The following EXTL2 variants were observed in gnomAD, a reference collection of about 807,000 sequenced individuals.
EXTL2 encodes exostosin like glycosyltransferase 2.
Under a neutral mutation model 30.7 loss-of-function variants are expected in EXTL2, and 23 were observed. The ratio of observed to expected loss-of-function variants is 0.75; its 90% confidence interval spans 0.54 to 1.06. The LOEUF is 1.06. EXTL2 is among the 50% of genes least tolerant of loss of function. The pLI is 0.00. For synonymous variants in EXTL2, 123 were observed against 133.8 expected, an observed-to-expected ratio of 0.92 and a Z score of 0.56; for missense variants, 352 against 396.3, an observed-to-expected ratio of 0.89 and a Z score of 0.95.
chr1:100,888,899 A>G (rs1297116899), intron 1 of EXTL2, 71 bp from the exon 2 acceptor site: 3 of 538,790 alleles, frequency 5.6e-6, no homozygotes, highest in East Asian at 5.5e-5. Context: ...AACAAAACAA[A>G]AAATGGTGCT....
chr1:100,874,032 A>G lies in EXTL2; in HGVS notation c.903T>C (p.Val301=), dbSNP rs1045187527. 3.7e-6 allele frequency: 6 copies of G among 1,612,976 alleles called. No homozygotes were observed. The African/African-American group carries it at 6.7e-5, about 18-fold the overall frequency. The change falls in exon 5 of 5, where the codon GTT becomes GTC. Residue 301 remains valine, a synonymous_variant. Coordinates refer to ENST00000370114, the MANE Select transcript of EXTL2 (RefSeq NM_001033025.3). ...LQRSYCINKL[V]NIYDSMPLRY... The stretch of plus-strand genomic sequence containing the variant: ...TTAAGGGCATGCTATCATAGATATT[A>G]ACAAGCTTATTTATACAATAAGACC...
chr1:100,886,527 T>C (rs1053669811), intron 2 of EXTL2, among the ~76,000 whole-genome samples: 2 of 152,230 alleles, frequency 1.3e-5, no homozygotes, highest in African/African-American at 4.8e-5. Context: ...CTCTTATGCA[T>C]TGCAAAAGCT....
chr1:100,877,594 C>T lies in EXTL2; in HGVS notation c.315G>A (p.Lys105=). The change falls in exon 3 of 5, where the codon AAG becomes AAA. Residue 105 remains lysine (K), a synonymous_variant. Coordinates refer to ENST00000370114, the MANE Select transcript of EXTL2 (RefSeq NM_001033025.3). The surrounding 1 kb of genome is among the most constrained non-coding windows in gnomAD (Gnocchi z 4.1). ...GAGAATTCCATAATTCATCTGGTGC[C>T]TTCTCTCCAATATTGTTCCATACCA... ...VIVVWNNIGE[K]APDELWNSLG... 1 of 1,613,496 alleles carries T rather than the reference C, an allele frequency of 6.2e-7. No individual in the cohort carries two copies. The highest frequency in any genetic ancestry group is 1.1e-5 in the South Asian group (1 of 91,056).
At chr1:100,881,960 A>G (rs1194256025) in intron 2 of EXTL2, among the ~76,000 whole-genome samples, 2 of 152,182 alleles carry the variant, frequency 1.3e-5, no homozygotes, top group Non-Finnish European at 2.9e-5. Context: ...CTCCTGTCAG[A>G]TCAGCTGTGG....
At chr1:100,882,873 G>GC (rs1472204629) in intron 2 of EXTL2, among the ~76,000 whole-genome samples, 3 of 151,964 alleles carry the variant, frequency 2.0e-5, no homozygotes, top group Admixed American at 6.6e-5. Flanking sequence ...AAAAAATACT[G>GC]CCCCAATAAT....
rs369719050 is a variant in EXTL2, at chr1:100,893,501, C to T, written c.-72+1132G>A. Among the ~76,000 whole-genome samples the T allele has an allele frequency of 1.8e-4, 27 of 152,296 alleles. No homozygotes were observed. The East Asian group carries it at 5.2e-3, about 29-fold the overall frequency. On this transcript the variant is annotated intron_variant, in intron 1 of 4. Transcript: ENST00000370114. ...ATAACTACTCTTTTCCATAAAATTC[C>T]TCCAGGGAAGGAACTTTTTATTTAT... is the stretch of plus-strand genomic sequence containing the variant.
chr1:100,887,571 G>C (rs1173516492), intron 2 of EXTL2, among the ~76,000 whole-genome samples: 1 of 152,180 alleles, frequency 6.6e-6, no homozygotes, highest in Non-Finnish European at 1.5e-5. Context: ...GAAATAAAGT[G>C]TATCCATCCC....
intron 3 of EXTL2, 130 bp from the exon 4 acceptor site, chr1:100,876,994 T>C (rs1649173027): frequency 1.6e-6 from 1 of 608,644 alleles, no homozygotes; most frequent in Admixed American, 2.8e-5. Context: ...AAGCAATGTA[T>C]TCTTGGGGAG....
rs1649221975 is a variant in EXTL2, at chr1:100,877,557, G to A, written c.352C>T (p.Pro118Ser). 4.3e-6 allele frequency: 7 copies of A among 1,613,370 alleles called. No individual in the cohort carries two copies. The highest frequency in any genetic ancestry group is 5.9e-6 in the Non-Finnish European group (7 of 1,179,574). ...DELWNSLGPH[P>S]IPVIFKQQTA... ...TGTTGTTTGAAGATCACAGGGATAG[G>A]GTGGGGCCCTAGAGAATTCCATAAT... The change falls in exon 3 of 5, where the codon CCT becomes TCT. Residue 118 changes from proline (P) to serine (S), a missense_variant. Coordinates refer to ENST00000370114, the MANE Select transcript of EXTL2 (RefSeq NM_001033025.3). The surrounding 1 kb of genome is among the most constrained non-coding windows in gnomAD (Gnocchi z 4.1).
At chr1:100,874,452 A>T in intron 4 of EXTL2, 22 bp from the exon 5 acceptor site, 2 of 1,542,382 alleles carry the variant, frequency 1.3e-6, no homozygotes, top group South Asian at 1.2e-5. Context: ...GAAAAAGAAC[A>T]ATAAAATGTC....
Position 100,874,384 on chromosome 1 carries a change from G to A in EXTL2, c.551C>T (p.Ser184Phe). The A allele has an allele frequency of 1.2e-6, 2 of 1,608,926 alleles. No homozygotes were observed. Among genetic ancestry groups the A allele is most frequent in the Non-Finnish European group, 1.7e-6 (2 of 1,177,610 alleles). The change falls in exon 5 of 5, where the codon TCT (serine) becomes TTT (phenylalanine). Residue 184 changes from serine to phenylalanine, a missense_variant. Physicochemically the swap from Ser to Phe is radical, Grantham distance 155. Transcript: ENST00000370114. Reference protein sequence around the residue: ...IVGFVPRKHVSTSSGIYSYGS... With the variant: ...IVGFVPRKHVFTSSGIYSYGS... ...ATAACTGTAGATACCTGATGAAGTAGAGACGTGCTTTCTAGGAACAAATCC... is the reference window on the plus strand; with the variant it reads ...ATAACTGTAGATACCTGATGAAGTAAAGACGTGCTTTCTAGGAACAAATCC...
Position 100,874,096 on chromosome 1 carries a change from TA to T in EXTL2, c.838del (p.Tyr280IlefsTer18), listed in dbSNP as rs1372761486. ...CTCAGCTCGATGCCACATTCCAGAA[TA>T]GCCACTGTTGGTTTCTTTTTCCAAA... is the stretch of plus-strand genomic sequence containing the variant. ...DNLEKETNSGYSGMWHRAEHA... is the reference protein window; with the variant it reads ...DNLEKETNSGXSGMWHRAEHA... On this transcript the variant is annotated frameshift_variant, in exon 5 of 5. Transcript: ENST00000370114. LOFTEE classifies it high-confidence loss of function. 3.1e-6 allele frequency: 5 copies of T among 1,612,992 alleles called. No individual in the cohort carries two copies. The Admixed American group carries it at 8.4e-5, about 27-fold the overall frequency.
intron 2 of EXTL2, chr1:100,878,414 G>C (rs1649298055): frequency 4.2e-6 from 2 of 470,816 alleles, no homozygotes; most frequent in East Asian, 1.4e-4. Flanking sequence ...GATAGTTCCT[G>C]AGCACTTACT....
rs764587983 is a variant in EXTL2 at position 100,888,777 on chromosome 1, T to TA, written c.-21dup. 32 of 1,564,258 alleles carry TA rather than the reference T, an allele frequency of 2.0e-5. No homozygotes were observed. The East Asian group carries it at 4.9e-4, about 24-fold the overall frequency. ...CCTCATTGTGTTGAAGTTTAATTTT[T>TA]AAAAAATCTCCTTATAGCTTCAGTA... On this transcript the variant is annotated 5_prime_UTR_variant, in exon 2 of 5. Transcript: ENST00000370114.
chr1:100,888,053 G>A lies in EXTL2; in HGVS notation c.5+700C>T, dbSNP rs189461599. 2.0e-4 allele frequency among the ~76,000 whole-genome samples: 31 copies of A among 152,148 alleles called. No individual in the cohort carries two copies. The East Asian group carries it at 5.2e-3, about 26-fold the overall frequency. On this transcript the variant is annotated intron_variant, in intron 2 of 4. Transcript: ENST00000370114. ...TAGTCTCTATATCCAGCTTTGTTCT[G>A]GTCTACAAGAATATTCAACTCTATA...
At chr1:100,876,769 T>C (rs1649150753) in intron 4 of EXTL2, 25 bp downstream of exon 4, 1 of 1,583,856 alleles carries the variant, frequency 6.3e-7, no homozygotes, top group Non-Finnish European at 8.7e-7. Flanking sequence ...TAAAGACGGT[T>C]TCATAAAAGA....
intron 2 of EXTL2, among the ~76,000 whole-genome samples, chr1:100,881,605 G>C (rs1050820588): frequency 1.3e-5 from 2 of 152,028 alleles, no homozygotes; most frequent in Non-Finnish European, 2.9e-5. Context: ...ACAGCTCTTA[G>C]TCTATTCCCC....
At chr1:100,892,400 T>C (rs1360402564) in intron 1 of EXTL2, among the ~76,000 whole-genome samples, 1 of 152,168 alleles carries the variant, frequency 6.6e-6, no homozygotes, top group African/African-American at 2.4e-5. Flanking sequence ...ACTCTTAGAC[T>C]TACACCAGTG....
chr1:100,893,460 AC>A (rs892024335), intron 1 of EXTL2, among the ~76,000 whole-genome samples: 6 of 150,754 alleles, frequency 4.0e-5, no homozygotes, highest in Admixed American at 6.6e-5. Flanking sequence ...GCCTGTCACA[AC>A]CCCCCCCTTT....
Sources: gnomAD v4.1 joint callset for allele counts (sites outside exome capture counted in the v4.1 genomes callset) on GRCh38, gnomAD v4.1.1 for gene constraint, Gnocchi (gnomAD v3.1) non-coding constraint, MANE v1.5 for transcripts, NCBI Gene and HGNC (gene_info 2026-07-23, HGNC 2026-07-21) for gene names.